The following RPSA variants were observed in gnomAD, a reference collection of about 807,000 sequenced individuals.
The protein encoded by RPSA is ribosomal protein SA.
For synonymous variants in RPSA, 103 were observed against 126.7 expected, an observed-to-expected ratio of 0.81 and a Z score of 1.25; for missense variants, 140 against 372.8, an observed-to-expected ratio of 0.38 and a Z score of 5.14.
At chr3:39,409,159 A>C (rs935195729) in intron 3 of RPSA, among the ~76,000 whole-genome samples, 1 of 140,856 alleles carries the variant, frequency 7.1e-6, no homozygotes, top group Non-Finnish European at 1.5e-5. Flanking sequence ...AGCCATAGAA[A>C]TCGCCCTTAT....
rs757722029 is a variant in RPSA at position 39,410,963 on chromosome 3, G to C, written c.462G>C (p.Leu154=). The change falls in exon 4 of 7, where the codon CTG becomes CTC. Residue 154 remains leucine, a synonymous_variant. Transcript: ENST00000301821. The part of the protein sequence containing the change: ...TIALCNTDSP[L]RYVDIAIPCN... ...CGCTGTGTAACACAGATTCTCCTCTGCGCTATGTGGACATTGCCATCCCAT... is the reference window on the plus strand; with the variant it reads ...CGCTGTGTAACACAGATTCTCCTCTCCGCTATGTGGACATTGCCATCCCAT... The C allele has an allele frequency of 3.8e-6, 6 of 1,599,482 alleles. No individual in the cohort carries two copies. In the South Asian group the frequency reaches 6.6e-5, roughly 18 times the overall value.
intron 2 of RPSA, 36 bp downstream of exon 2, chr3:39,407,822 G>GT: frequency 6.4e-7 from 1 of 1,574,684 alleles, no homozygotes; most frequent in South Asian, 1.1e-5. Flanking sequence ...TACTCCAGCT[G>GT]TAAGTACAAA....
chr3:39,411,873 CCT>C, intron 5 of RPSA, 21 bp from the exon 6 acceptor site: 1 of 1,599,538 alleles, frequency 6.3e-7, no homozygotes, highest in Non-Finnish European at 8.5e-7. Context: ...GTAAGTCTTT[CCT>C]CTTTTTTTTT....
chr3:39,411,109 A>C (rs1455952925), intron 4 of RPSA, 110 bp downstream of exon 4: 2 of 1,360,126 alleles, frequency 1.5e-6, no homozygotes, highest in African/African-American at 1.4e-5. Context: ...TGAACTCGCA[A>C]GTGTAGGTAG....
chr3:39,407,883 TC>T, intron 2 of RPSA, 97 bp downstream of exon 2: 1 of 922,578 alleles, frequency 1.1e-6, no homozygotes, highest in Non-Finnish European at 1.7e-6. Context: ...CTTTCTATCT[TC>T]CTTAAATGAA....
Position 39,412,430 on chromosome 3 carries a change from T to G in RPSA, c.*62T>G, listed in dbSNP as rs2042018170. The stretch of plus-strand genomic sequence containing the variant: ...ATGGTTGATGGAAAATAAACATCAG[T>G]TTCTAAAAGTTGTCTTCATTTAGTT... On this transcript the variant is annotated 3_prime_UTR_variant, in exon 7 of 7. Coordinates refer to ENST00000301821, the MANE Select transcript of RPSA (RefSeq NM_002295.6). The G allele has an allele frequency of 1.1e-6, 1 of 929,358 alleles. No individual in the cohort carries two copies. The highest frequency in any genetic ancestry group is 1.6e-5 in the African/African-American group (1 of 60,764). 57.6% of individuals were successfully genotyped at this position (929,358 alleles called of 1,614,324 possible). A position where few individuals can be genotyped will look rare whatever the true frequency, so the allele number is the denominator to read the frequency against.
chr3:39,409,702 G>T (rs1474457525), intron 3 of RPSA, among the ~76,000 whole-genome samples: 1 of 152,142 alleles, frequency 6.6e-6, no homozygotes, highest in Admixed American at 6.5e-5. Flanking sequence ...AGTCATGACG[G>T]CATGCACCCA....
chr3:39,408,864 G>GGTTTTTAAT, intron 3 of RPSA, 140 bp downstream of exon 3: 1 of 659,046 alleles, frequency 1.5e-6, no homozygotes. Context: ...TTTGGGAGGT[G>GGTTTTTAAT]GAGTCCGGCG....
chr3:39,409,184 CTTTTTTTTTT>C (rs71091746), intron 3 of RPSA, among the ~76,000 whole-genome samples: 7 of 85,426 alleles, frequency 8.2e-5, no homozygotes, highest in African/African-American at 3.0e-4. Flanking sequence ...TATGACCTTC[CTTTTTTTTTT>C]TTTTTTTTTT....
intron 4 of RPSA, 53 bp downstream of exon 4, chr3:39,411,052 C>T: frequency 6.3e-7 from 1 of 1,589,474 alleles, no homozygotes; most frequent in Non-Finnish European, 8.5e-7. Context: ...AAAAAACATT[C>T]CTGTGCACAT....
At chr3:39,412,142 T>A in intron 6 of RPSA, 81 bp downstream of exon 6, 2 of 1,438,484 alleles carry the variant, frequency 1.4e-6, no homozygotes, top group Non-Finnish European at 2.0e-6. Flanking sequence ...TCTCTGTGAC[T>A]TTTATACTAG....
intron 3 of RPSA, chr3:39,408,931 A>ATCTCTACT: frequency 2.0e-6 from 1 of 508,688 alleles, no homozygotes; most frequent in Non-Finnish European, 3.6e-6. Flanking sequence ...CTAAAAATAC[A>ATCTCTACT]AAAAATTAGT....
At chr3:39,408,817 A>G in intron 3 of RPSA, 93 bp downstream of exon 3, 1 of 847,408 alleles carries the variant, frequency 1.2e-6, no homozygotes, top group South Asian at 1.3e-5. Flanking sequence ...GAAATAACTC[A>G]GGCCGGGCGC....
chr3:39,410,667 A>C, intron 3 of RPSA, 87 bp from the exon 4 acceptor site: 1 of 1,478,710 alleles, frequency 6.8e-7, no homozygotes, highest in South Asian at 1.1e-5. Flanking sequence ...GTAGTGATTA[A>C]GTTGGCCAGT....
intron 3 of RPSA, among the ~76,000 whole-genome samples, chr3:39,409,184 CTTTTTTTTTTT>C (rs71091746): frequency 1.2e-5 from 1 of 85,426 alleles, no homozygotes; most frequent in East Asian, 4.1e-4. Flanking sequence ...TATGACCTTC[CTTTTTTTTTTT>C]TTTTTTTTTT....
At chr3:39,410,113 G>A (rs1241000263) in intron 3 of RPSA, 1 of 161,240 alleles carries the variant, frequency 6.2e-6, no homozygotes, top group African/African-American at 2.4e-5. Context: ...ACAGAGTGAG[G>A]CCTTGTCTCA....
In RPSA at chr3:39,412,503, A is replaced by C; in HGVS notation, c.*135A>C. Reference sequence around the variant, plus strand: ...TACCTGGGATTGCATATCAAAGCATAATAATAAATACATGTCTCGACATGA... The same window carrying C: ...TACCTGGGATTGCATATCAAAGCATCATAATAAATACATGTCTCGACATGA... On this transcript the variant is annotated 3_prime_UTR_variant, in exon 7 of 7. Transcript: ENST00000301821. The C allele has an allele frequency of 1.6e-6, 1 of 614,244 alleles. No individual in the cohort carries two copies. Among genetic ancestry groups the C allele is most frequent in the Non-Finnish European group, 2.9e-6 (1 of 346,928 alleles). The allele number at this position is 614,244 out of a possible 1,614,324, so 38.0% of individuals were successfully genotyped here. A position where few individuals can be genotyped will look rare whatever the true frequency, so the allele number is the denominator to read the frequency against.
chr3:39,406,774 G>A lies in RPSA; in HGVS notation c.-34+10G>A. The A allele has an allele frequency of 4.5e-6, 2 of 441,020 alleles. No individual in the cohort carries two copies. Among genetic ancestry groups the A allele is most frequent in the South Asian group, 3.2e-5 (2 of 61,724 alleles). 27.3% of individuals were successfully genotyped at this position (441,020 alleles called of 1,614,324 possible). ...TACGGCGTTGTTCTGGGTGAGTTCC[G>A]TGTAGCGTCCCTGGCGCCTTCCAGG... On this transcript the variant is annotated intron_variant, in intron 1 of 6. Transcript: ENST00000301821.
chr3:39,411,361 G>T, intron 4 of RPSA: 1 of 566,190 alleles, frequency 1.8e-6, no homozygotes, highest in Non-Finnish European at 3.2e-6. Flanking sequence ...TGCTAAAAAG[G>T]TGGGTTGTGT....
Sources: gnomAD v4.1 joint callset for allele counts (sites outside exome capture counted in the v4.1 genomes callset) on GRCh38, gnomAD v4.1.1 for gene constraint, MANE v1.5 for transcripts, NCBI Gene and HGNC (gene_info 2026-07-23, HGNC 2026-07-21) for gene names.